PTPRD: variants seen among roughly 807,000 people sequenced by gnomAD.
The protein encoded by PTPRD is protein tyrosine phosphatase receptor type D.
A neutral mutation model predicts 214.5 loss-of-function variants in PTPRD; 34 were observed. The observed-to-expected ratio is 0.16, with a 90% CI of 0.12 to 0.21. PTPRD has a LOEUF of 0.21. Ranked by LOEUF, PTPRD falls within the 10% of genes least tolerant of loss-of-function variation. The probability of loss-of-function intolerance (pLI) is 1.00; values close to 1 mark genes in which losing one functional copy is unlikely to be tolerated. For synonymous variants in PTPRD, 1,128 were observed against 845.7 expected (o/e 1.33, Z -5.79); for missense variants, 2,545 against 2,398.7 (o/e 1.06, Z -1.27).
intron 7 of PTPRD, among the ~76,000 whole-genome samples, chr9:9,615,351 C>T (rs1033184582): frequency 3.3e-5 from 5 of 152,292 alleles, no homozygotes; most frequent in East Asian, 3.9e-4. Context: ...CACCTGCTGG[C>T]ACTGCACTAT....
chr9:9,611,215 A>G (rs1476494023), intron 7 of PTPRD, among the ~76,000 whole-genome samples: 1 of 152,212 alleles, frequency 6.6e-6, no homozygotes, highest in Non-Finnish European at 1.5e-5. Context: ...CTCTGCACAT[A>G]AAGCCAGTAG....
intron 11 of PTPRD, among the ~76,000 whole-genome samples, chr9:9,003,579 A>C (rs899195879): frequency 6.6e-6 from 1 of 152,038 alleles, no homozygotes; most frequent in Non-Finnish European, 1.5e-5. Context: ...GTCCTAATTT[A>C]ATGCCAGTTA....
At chr9:8,414,602 A>C (rs2093762716) in intron 35 of PTPRD, among the ~76,000 whole-genome samples, 1 of 145,830 alleles carries the variant, frequency 6.9e-6, no homozygotes, top group African/African-American at 2.5e-5. Flanking sequence ...AATATTCCAG[A>C]ATGGAGCTCT....
intron 2 of PTPRD, among the ~76,000 whole-genome samples, chr9:10,605,005 A>G (rs936086098): frequency 6.6e-6 from 1 of 151,850 alleles, no homozygotes; most frequent in African/African-American, 2.4e-5. Context: ...TAAGTCATAG[A>G]TGTTTCCATG....
At chr9:8,576,348 C>A (rs774355337) in intron 14 of PTPRD, among the ~76,000 whole-genome samples, 2 of 152,016 alleles carry the variant, frequency 1.3e-5, no homozygotes, top group African/African-American at 2.4e-5. Context: ...CTTCCAAATA[C>A]AATGAAAGAC....
intron 9 of PTPRD, among the ~76,000 whole-genome samples, chr9:9,250,439 G>A (rs144087494): frequency 3.3e-5 from 5 of 152,084 alleles, no homozygotes; most frequent in African/African-American, 1.2e-4. Flanking sequence ...AGCTGTTATA[G>A]TTAGGTGAGA....
At chr9:8,934,565 G>A (rs941981088) in intron 11 of PTPRD, among the ~76,000 whole-genome samples, 4 of 130,062 alleles carry the variant, frequency 3.1e-5, no homozygotes. Flanking sequence ...GATATACATT[G>A]TGAAATGATT....
intron 2 of PTPRD, among the ~76,000 whole-genome samples, chr9:10,482,737 C>G (rs949221332): frequency 6.6e-6 from 1 of 152,024 alleles, no homozygotes; most frequent in African/African-American, 2.4e-5. Context: ...AATAAAATAC[C>G]TATGAATATA....
At chr9:9,660,059 T>A (rs1475896529) in intron 7 of PTPRD, among the ~76,000 whole-genome samples, 1 of 152,092 alleles carries the variant, frequency 6.6e-6, no homozygotes. Flanking sequence ...TTTATTTAAA[T>A]TAACATAGAC....
chr9:10,575,257 T>C (rs1357646980), intron 2 of PTPRD, among the ~76,000 whole-genome samples: 1 of 152,046 alleles, frequency 6.6e-6, no homozygotes, highest in African/African-American at 2.4e-5. Context: ...TTCCCAATAC[T>C]AATTACAATT....
At chr9:10,610,802 C>T (rs1048160331) in intron 2 of PTPRD, among the ~76,000 whole-genome samples, 5 of 152,112 alleles carry the variant, frequency 3.3e-5, no homozygotes, top group African/African-American at 9.7e-5. Context: ...TGTCCTGTCT[C>T]ATTACCCTAA....
intron 5 of PTPRD, among the ~76,000 whole-genome samples, chr9:9,908,792 T>C (rs1036064396): frequency 1.3e-5 from 2 of 151,982 alleles, no homozygotes; most frequent in African/African-American, 4.8e-5. Context: ...AACTTATCTT[T>C]GGGAAGTTTT....
chr9:9,148,644 TA>T (rs1287278634), intron 10 of PTPRD, among the ~76,000 whole-genome samples: 1 of 152,132 alleles, frequency 6.6e-6, no homozygotes, highest in Non-Finnish European at 1.5e-5. Flanking sequence ...ACTAATCATT[TA>T]AAAATAAAAT....
intron 11 of PTPRD, among the ~76,000 whole-genome samples, chr9:8,794,809 A>G (rs1295644322): frequency 1.3e-5 from 2 of 152,104 alleles, no homozygotes; most frequent in Admixed American, 1.3e-4. Flanking sequence ...TGCAGCAACA[A>G]TGCAATGACT....
intron 10 of PTPRD, among the ~76,000 whole-genome samples, chr9:9,115,094 C>T (rs80247553): frequency 0.017 from 2,586 of 152,066 alleles, 48 homozygotes; most frequent in East Asian, 0.07. Context: ...CTCTAGTCTA[C>T]GGTGTTGTTG....
chr9:8,983,081 T>A (rs1344160290), intron 11 of PTPRD, among the ~76,000 whole-genome samples: 1 of 152,096 alleles, frequency 6.6e-6, no homozygotes, highest in Non-Finnish European at 1.5e-5. Flanking sequence ...CTTTTTCTTT[T>A]TTTCATAAAT....
chr9:8,628,335 G>GT (rs975855795), intron 14 of PTPRD, among the ~76,000 whole-genome samples: 3 of 151,660 alleles, frequency 2.0e-5, no homozygotes, highest in Non-Finnish European at 2.9e-5. Context: ...AAAGTTGTAT[G>GT]TTTTTTTTCC....
At chr9:9,869,171 C>G (rs10978048) in intron 5 of PTPRD, among the ~76,000 whole-genome samples, 23,263 of 152,058 alleles carry the variant, frequency 0.15, 1,835 homozygotes, top group Middle Eastern at 0.22. Context: ...TAAAGGGAAT[C>G]AATCAAGCAT....
chr9:10,194,418 T>G lies in PTPRD; in HGVS notation c.-545+146545A>C, dbSNP rs187160114. ...GAGAGAGCTATTCACATTCATATTTTGTAATTGGCAGAATGGCTGTTAGAG... is the reference window on the plus strand; with the variant it reads ...GAGAGAGCTATTCACATTCATATTTGGTAATTGGCAGAATGGCTGTTAGAG... On this transcript the variant is annotated intron_variant, in intron 3 of 45. Coordinates refer to ENST00000381196, the MANE Select transcript of PTPRD (RefSeq NM_002839.4). Among the ~76,000 whole-genome samples the G allele has an allele frequency of 3.1e-3, 455 of 148,204 alleles. 6 individuals carry two copies. The highest frequency in any genetic ancestry group is 0.011 in the African/African-American group (433 of 39,906).
Sources: gnomAD v4.1 joint callset for allele counts (sites outside exome capture counted in the v4.1 genomes callset) on GRCh38, gnomAD v4.1.1 for gene constraint, MANE v1.5 for transcripts, NCBI Gene and HGNC (gene_info 2026-07-23, HGNC 2026-07-21) for gene names.